The following ZFYVE16 variants were observed in gnomAD, a reference collection of about 807,000 sequenced individuals.
ZFYVE16 encodes zinc finger FYVE domain-containing protein 16.
A neutral mutation model predicts 138.1 loss-of-function variants in ZFYVE16; 89 were observed. The ratio of observed to expected loss-of-function variants is 0.64; its 90% confidence interval spans 0.54 to 0.77. The LOEUF (loss-of-function observed/expected upper bound fraction) is 0.77. Among genes scored for constraint, ZFYVE16 ranks in the 30% least tolerant of loss-of-function variants. ZFYVE16 has a pLI of 0.00. For synonymous variants in ZFYVE16, 596 were observed against 618.3 expected (o/e 0.96, Z 0.53); for missense variants, 1,793 against 1,786.7 (o/e 1.00, Z -0.06).
rs1468330936 is a variant in ZFYVE16, at chr5:80,480,235, A to G, written c.*2858A>G. Among the ~76,000 whole-genome samples the G allele has an allele frequency of 6.6e-6, 1 of 152,200 alleles. No individual in the cohort carries two copies. Among genetic ancestry groups the G allele is most frequent in the East Asian group, 1.9e-4 (1 of 5,202 alleles). On this transcript the variant is annotated 3_prime_UTR_variant, in exon 19 of 19. Coordinates refer to ENST00000505560, the MANE Select transcript of ZFYVE16 (RefSeq NM_001284236.3). Reference sequence around the variant, plus strand: ...AGGTGTGTGAATGTACTTGCAGGAAATGGGAAACTATACGATAAAAAGTTG... The same window carrying G: ...AGGTGTGTGAATGTACTTGCAGGAAGTGGGAAACTATACGATAAAAAGTTG...
chr5:80,416,964 T>C (rs182363446), intron 1 of ZFYVE16, among the ~76,000 whole-genome samples: 1 of 152,324 alleles, frequency 6.6e-6, no homozygotes, highest in East Asian at 1.9e-4. Flanking sequence ...TTTCTATGTG[T>C]GACCATCGGT....
intron 7 of ZFYVE16, among the ~76,000 whole-genome samples, chr5:80,447,224 G>C (rs572671952): frequency 5.2e-5 from 7 of 135,542 alleles, no homozygotes; most frequent in African/African-American, 1.9e-4. Flanking sequence ...CCAGGATTGC[G>C]CCAATGTACT....
At chr5:80,423,504 A>T (rs1231621582) in intron 1 of ZFYVE16, among the ~76,000 whole-genome samples, 1 of 151,904 alleles carries the variant, frequency 6.6e-6, no homozygotes, top group Non-Finnish European at 1.5e-5. Flanking sequence ...CCTGTTTTAA[A>T]TTCCATTGAT....
intron 5 of ZFYVE16, chr5:80,440,866 C>G: frequency 1.0e-6 from 1 of 985,178 alleles, no homozygotes; most frequent in Non-Finnish European, 1.2e-6. Flanking sequence ...GGAATGAATA[C>G]CTGATAATAA....
At chr5:80,457,621 A>G (rs773410382) in intron 14 of ZFYVE16, among the ~76,000 whole-genome samples, 7 of 152,238 alleles carry the variant, frequency 4.6e-5, no homozygotes, top group South Asian at 2.1e-4. Flanking sequence ...ATATTATTAT[A>G]GGATACCATA....
rs1755283380 is a variant in ZFYVE16, at chr5:80,481,861, C to T, written c.*4484C>T. ...TTATTTTTGAGACAGTCTCTATCAC[C>T]CAGGCTAGAGTGCAGTGATACAATC... On this transcript the variant is annotated 3_prime_UTR_variant, in exon 19 of 19. Coordinates refer to ENST00000505560, the MANE Select transcript of ZFYVE16 (RefSeq NM_001284236.3). Among the ~76,000 whole-genome samples, 1 of 152,044 alleles carries T rather than the reference C, an allele frequency of 6.6e-6. No individual in the cohort carries two copies. Among genetic ancestry groups the T allele is most frequent in the Non-Finnish European group, 1.5e-5 (1 of 68,006 alleles).
intron 1 of ZFYVE16, among the ~76,000 whole-genome samples, chr5:80,419,561 T>A (rs994411111): frequency 6.6e-6 from 1 of 152,056 alleles, no homozygotes; most frequent in East Asian, 1.9e-4. Context: ...TTATTTTTAG[T>A]AGAGACAGGG....
At chr5:80,425,957 C>T (rs1747926590) in intron 1 of ZFYVE16, among the ~76,000 whole-genome samples, 1 of 152,118 alleles carries the variant, frequency 6.6e-6, no homozygotes, top group African/African-American at 2.4e-5. Flanking sequence ...AAATTTTTAA[C>T]ATCCTTTTGT....
chr5:80,469,504 A>C (rs1055275382), intron 15 of ZFYVE16, among the ~76,000 whole-genome samples: 6 of 152,068 alleles, frequency 3.9e-5, no homozygotes, highest in South Asian at 2.1e-4. Flanking sequence ...CAGCCTCCCC[A>C]AAGTACTGGG....
chr5:80,445,340 A>G lies in ZFYVE16; in HGVS notation c.2659A>G (p.Lys887Glu). ...CAATGGTGAAGTTGCAGATACAACA[A>G]AATTATCATCTGGAAGTAAAAGATG... Reference protein sequence around the residue: ...LPNGEVADTTKLSSGSKRCSE... With the variant: ...LPNGEVADTTELSSGSKRCSE... Residue 887 changes from lysine to glutamate, a missense_variant, in exon 7 of 19, where the codon AAA becomes GAA. Coordinates refer to ENST00000505560, the MANE Select transcript of ZFYVE16 (RefSeq NM_001284236.3). 6.2e-7 allele frequency: 1 copy of G among 1,614,020 alleles called. No individual in the cohort carries two copies.
chr5:80,431,423 T>C (rs1749003502), intron 2 of ZFYVE16, among the ~76,000 whole-genome samples: 1 of 152,224 alleles, frequency 6.6e-6, no homozygotes. Flanking sequence ...AAATTAGGTA[T>C]TGATGAGACG....
chr5:80,420,931 G>A lies in ZFYVE16; in HGVS notation c.-93-6561G>A, dbSNP rs1220152671. Reference sequence around the variant, plus strand: ...CCACCAACAGTGTAAAAGTGTTCTTGTTTCTCCACATCCTCTCCAGCACCT... The same window carrying A: ...CCACCAACAGTGTAAAAGTGTTCTTATTTCTCCACATCCTCTCCAGCACCT... On this transcript the variant is annotated intron_variant, in intron 1 of 18. Transcript: ENST00000505560. 3.9e-5 allele frequency among the ~76,000 whole-genome samples: 6 copies of A among 152,232 alleles called. No homozygotes were observed. The East Asian group carries it at 7.7e-4, about 20-fold the overall frequency.
At chr5:80,464,598 C>G (rs1300868343) in intron 15 of ZFYVE16, among the ~76,000 whole-genome samples, 1 of 152,166 alleles carries the variant, frequency 6.6e-6, no homozygotes, top group Non-Finnish European at 1.5e-5. Flanking sequence ...TAACATTGTT[C>G]ATAGTATTCC....
intron 5 of ZFYVE16, 81 bp from the exon 6 acceptor site, chr5:80,443,042 A>G: frequency 1.5e-6 from 2 of 1,322,654 alleles, no homozygotes; most frequent in South Asian, 1.7e-5. Context: ...AACTTGAAAA[A>G]TAGAATATTT....
At chr5:80,459,024 G>C (rs916158876) in intron 14 of ZFYVE16, among the ~76,000 whole-genome samples, 3 of 152,200 alleles carry the variant, frequency 2.0e-5, no homozygotes, top group Non-Finnish European at 4.4e-5. Context: ...TCCACCTCCT[G>C]AGTTCCAGCA....
Position 80,472,829 on chromosome 5 carries a change from G to A in ZFYVE16, c.4093G>A (p.Asp1365Asn). ...GLRLALREQK[D>N]FKITCGKVDA... is the part of the protein sequence containing the mutation. ...GCGGCTAGCTTTACGAGAACAGAAAGACTTTAAAATTACATGTGGGAAAGT... is the reference window on the plus strand; with the variant it reads ...GCGGCTAGCTTTACGAGAACAGAAAAACTTTAAAATTACATGTGGGAAAGT... The change falls in exon 16 of 19, where the codon GAC becomes AAC. Residue 1365 changes from aspartate (D) to asparagine (N), a missense_variant. Asp to Asn is a conservative substitution (Grantham distance 23, BLOSUM62 1). Transcript: ENST00000505560. 1 of 1,613,974 alleles carries A rather than the reference G, an allele frequency of 6.2e-7. No homozygotes were observed. The highest frequency in any genetic ancestry group is 1.1e-5 in the South Asian group (1 of 91,070).
chr5:80,423,387 A>C (rs1487890065), intron 1 of ZFYVE16, among the ~76,000 whole-genome samples: 1 of 151,678 alleles, frequency 6.6e-6, no homozygotes, highest in African/African-American at 2.4e-5. Flanking sequence ...TTATTTTTGT[A>C]ATTGATCGTT....
At chr5:80,426,204 GT>G (rs1377875457) in intron 1 of ZFYVE16, among the ~76,000 whole-genome samples, 4,350 of 17,708 alleles carry the variant, frequency 0.25, 69 homozygotes, top group Non-Finnish European at 0.38. Context: ...TGTGTGTGGT[GT>G]GTGTGTGTGT....
At chr5:80,440,239 C>T (rs1409806724) in intron 5 of ZFYVE16, 1 of 1,180,394 alleles carries the variant, frequency 8.5e-7, no homozygotes, top group Admixed American at 4.6e-5. Flanking sequence ...AGGAAGCATT[C>T]AGTTTCTGGA....
Sources: gnomAD v4.1 joint callset for allele counts (sites outside exome capture counted in the v4.1 genomes callset) on GRCh38, gnomAD v4.1.1 for gene constraint, MANE v1.5 for transcripts, NCBI Gene and HGNC (gene_info 2026-07-23, HGNC 2026-07-21) for gene names.